The following AFG2A variants were observed in gnomAD, a reference collection of about 807,000 sequenced individuals.
AFG2A encodes AAA ATPase AFG2A.
the AFG2A span, among the ~76,000 whole-genome samples, chr4:123,261,057 G>A: frequency 3.9e-5 from 6 of 152,206 alleles, no homozygotes; most frequent in Admixed American, 2.6e-4. Context: ...AGAATCTAAC[G>A]CCTGAGAACA....
chr4:123,259,408 A>G, the AFG2A span, among the ~76,000 whole-genome samples: 1 of 152,134 alleles, frequency 6.6e-6, no homozygotes, highest in Non-Finnish European at 1.5e-5. Context: ...ACCAGCTGGA[A>G]GGGGAATACA....
chr4:123,070,421 G>A, the AFG2A span, among the ~76,000 whole-genome samples: 1 of 152,124 alleles, frequency 6.6e-6, no homozygotes, highest in South Asian at 2.1e-4. Context: ...TTTAGTCTGA[G>A]TGGCTTAGAA....
chr4:122,991,985 C>T, the AFG2A span, among the ~76,000 whole-genome samples: 5 of 152,114 alleles, frequency 3.3e-5, no homozygotes, highest in African/African-American at 9.6e-5. Flanking sequence ...CAGGTAGATG[C>T]CCAGTCATCA....
chr4:122,992,973 T>TGC, the AFG2A span, among the ~76,000 whole-genome samples: 1 of 100,312 alleles, frequency 1.0e-5, no homozygotes, highest in Non-Finnish European at 2.3e-5. Context: ...TGTGTGTGTG[T>TGC]GTATGTGTGT....
the AFG2A span, among the ~76,000 whole-genome samples, chr4:122,926,133 A>G: frequency 2.6e-5 from 4 of 152,238 alleles, no homozygotes; most frequent in African/African-American, 9.6e-5. Context: ...GTGGCTGGGA[A>G]TTTGAACATG....
the AFG2A span, among the ~76,000 whole-genome samples, chr4:123,264,069 A>T: frequency 1.3e-5 from 2 of 152,210 alleles, no homozygotes; most frequent in Non-Finnish European, 2.9e-5. Context: ...AGCAACCTGG[A>T]TGGAATTGGC....
the AFG2A span, among the ~76,000 whole-genome samples, chr4:123,209,752 A>G: frequency 6.6e-6 from 1 of 152,040 alleles, no homozygotes; most frequent in Non-Finnish European, 1.5e-5. Context: ...GCACCTGGCT[A>G]TCAACAGGAA....
the AFG2A span, among the ~76,000 whole-genome samples, chr4:123,053,964 T>C: frequency 6.6e-6 from 1 of 152,262 alleles, no homozygotes; most frequent in Admixed American, 6.5e-5. Flanking sequence ...GTTTCTTGTG[T>C]AAGCAACTAT....
At chr4:122,973,762 C>T in the AFG2A span, among the ~76,000 whole-genome samples, 1 of 152,190 alleles carries the variant, frequency 6.6e-6, no homozygotes, top group Admixed American at 6.5e-5. Flanking sequence ...ATGATGATGG[C>T]TCACTGCGGT....
the AFG2A span, chr4:122,935,956 G>T: frequency 7.6e-7 from 1 of 1,314,464 alleles, no homozygotes; most frequent in Non-Finnish European, 1.0e-6. Flanking sequence ...GAAATATTTT[G>T]CTTCTTAATA....
the AFG2A span, among the ~76,000 whole-genome samples, chr4:123,143,847 T>C: frequency 9.7e-5 from 13 of 133,886 alleles, no homozygotes; most frequent in South Asian, 2.5e-4. Context: ...TTTTTTTTTT[T>C]CCTTTAACCT....
At chr4:123,032,526 G>T in the AFG2A span, among the ~76,000 whole-genome samples, 1 of 152,158 alleles carries the variant, frequency 6.6e-6, no homozygotes. Context: ...CAAGTATCTG[G>T]GGTTACAGGC....
At chr4:123,070,917 G>A in the AFG2A span, among the ~76,000 whole-genome samples, 2 of 152,062 alleles carry the variant, frequency 1.3e-5, no homozygotes, top group Non-Finnish European at 2.9e-5. Context: ...TGTTTCTTAC[G>A]ATTACTATAG....
At chr4:122,948,529 T>C in the AFG2A span, among the ~76,000 whole-genome samples, 1 of 151,914 alleles carries the variant, frequency 6.6e-6, no homozygotes, top group Non-Finnish European at 1.5e-5. Flanking sequence ...AAGTGTAAAC[T>C]GGAGAATCAC....
At chr4:123,136,018 A>G in the AFG2A span, among the ~76,000 whole-genome samples, 1 of 152,248 alleles carries the variant, frequency 6.6e-6, no homozygotes, top group African/African-American at 2.4e-5. Flanking sequence ...AAGTAAAACA[A>G]TTAGTAAACA....
At chr4:123,214,744 G>A in the AFG2A span, among the ~76,000 whole-genome samples, 1 of 151,956 alleles carries the variant, frequency 6.6e-6, no homozygotes, top group East Asian at 1.9e-4. Flanking sequence ...TAAGGATGAA[G>A]ACATGAAGAC....
the AFG2A span, among the ~76,000 whole-genome samples, chr4:122,995,268 T>A: frequency 1.9e-4 from 29 of 152,284 alleles, no homozygotes; most frequent in African/African-American, 6.5e-4. Flanking sequence ...GGAAATGCTA[T>A]TAATTCCATA....
the AFG2A span, among the ~76,000 whole-genome samples, chr4:123,013,186 C>A: frequency 6.6e-6 from 1 of 151,956 alleles, no homozygotes; most frequent in Non-Finnish European, 1.5e-5. Context: ...GCTTTTGAGC[C>A]AGGATGAACC....
the AFG2A span, among the ~76,000 whole-genome samples, chr4:122,951,813 G>T: frequency 4.6e-5 from 7 of 152,274 alleles, no homozygotes; most frequent in South Asian, 1.4e-3. Flanking sequence ...ACCAGGCCTG[G>T]TCAGTCATTG....
Sources: gnomAD v4.1 joint callset for allele counts (sites outside exome capture counted in the v4.1 genomes callset) on GRCh38, gnomAD v4.1.1 for gene constraint, MANE v1.5 for transcripts, NCBI Gene and HGNC (gene_info 2026-07-23, HGNC 2026-07-21) for gene names.